The following DOCK2 variants were observed in gnomAD, a reference collection of about 807,000 sequenced individuals.
The protein encoded by DOCK2 is dedicator of cytokinesis 2.
A neutral mutation model predicts 248.9 loss-of-function variants in DOCK2; 87 were observed. The observed-to-expected ratio is 0.35, with a 90% CI of 0.29 to 0.42. The LOEUF (loss-of-function observed/expected upper bound fraction) is 0.42, where lower values mean the gene tolerates loss of function less well. Among genes scored for constraint, DOCK2 ranks in the 10% least tolerant of loss-of-function variants. The pLI is 1.00. For missense variants in DOCK2, 1,747 were observed against 2,300.2 expected, an observed-to-expected ratio of 0.76 and a Z score of 4.92; for synonymous variants, 805 against 821.6, an observed-to-expected ratio of 0.98 and a Z score of 0.35.
chr5:169,775,295 G>A (rs542818537), intron 25 of DOCK2, among the ~76,000 whole-genome samples: 1 of 152,334 alleles, frequency 6.6e-6, no homozygotes, highest in South Asian at 2.1e-4. Context: ...TCAATGGCCA[G>A]TCAGCTCTGG....
At chr5:169,641,527 C>T (rs970808069) in intron 1 of DOCK2, among the ~76,000 whole-genome samples, 1 of 152,136 alleles carries the variant, frequency 6.6e-6, no homozygotes, top group Non-Finnish European at 1.5e-5. Context: ...ACCAGTTCAA[C>T]GAAAATGTGT....
intron 43 of DOCK2, 24 bp downstream of exon 43, chr5:170,056,792 T>C (rs1346489597): frequency 1.9e-6 from 3 of 1,608,516 alleles, no homozygotes; most frequent in Non-Finnish European, 2.6e-6. Flanking sequence ...CTACCCTTGA[T>C]CATTCCCTGG....
At chr5:169,859,958 C>CTTTT (rs759586059) in intron 27 of DOCK2, among the ~76,000 whole-genome samples, 52 of 107,164 alleles carry the variant, frequency 4.9e-4, no homozygotes, top group East Asian at 1.0e-3. Context: ...GTGGATCCTT[C>CTTTT]TTTTTTTTTT....
intron 2 of DOCK2, among the ~76,000 whole-genome samples, chr5:169,663,714 T>G (rs1758572382): frequency 6.6e-6 from 1 of 152,214 alleles, no homozygotes; most frequent in African/African-American, 2.4e-5. Flanking sequence ...GTGGAGTGGC[T>G]GGCATACAGG....
At chr5:169,970,049 T>C (rs1192585410) in intron 27 of DOCK2, among the ~76,000 whole-genome samples, 3 of 152,226 alleles carry the variant, frequency 2.0e-5, no homozygotes, top group Non-Finnish European at 4.4e-5. Context: ...CTGGCTACAG[T>C]GATGTAAGTG....
intron 13 of DOCK2, among the ~76,000 whole-genome samples, chr5:169,700,572 A>C (rs1043557111): frequency 6.6e-6 from 1 of 152,132 alleles, no homozygotes. Flanking sequence ...GTTCATTGTA[A>C]AATATTCAAA....
chr5:169,676,300 G>A (rs1759332713), intron 6 of DOCK2, among the ~76,000 whole-genome samples: 1 of 152,156 alleles, frequency 6.6e-6, no homozygotes, highest in African/African-American at 2.4e-5. Flanking sequence ...CTCTGCCTGT[G>A]CCTGGAACAA....
intron 27 of DOCK2, among the ~76,000 whole-genome samples, chr5:169,910,413 C>T (rs1419981481): frequency 6.6e-6 from 1 of 152,174 alleles, no homozygotes; most frequent in African/African-American, 2.4e-5. Context: ...CCCCTCAGTG[C>T]TGATTTATTG....
At chr5:169,728,284 T>C (rs1170736373) in intron 22 of DOCK2, among the ~76,000 whole-genome samples, 2 of 152,174 alleles carry the variant, frequency 1.3e-5, no homozygotes, top group Non-Finnish European at 2.9e-5. Context: ...AGCAGGCAGT[T>C]AGATACAGAT....
intron 27 of DOCK2, among the ~76,000 whole-genome samples, chr5:169,943,133 A>C (rs1422109681): frequency 6.6e-6 from 1 of 152,164 alleles, no homozygotes; most frequent in Non-Finnish European, 1.5e-5. Context: ...TTTTCCCCAC[A>C]CCCAGGCCAT....
intron 27 of DOCK2, among the ~76,000 whole-genome samples, chr5:169,914,305 C>T (rs1774761112): frequency 6.6e-6 from 1 of 152,176 alleles, no homozygotes; most frequent in South Asian, 2.1e-4. Flanking sequence ...CTTTCATAAC[C>T]CATATAGATA....
intron 26 of DOCK2, among the ~76,000 whole-genome samples, chr5:169,831,375 C>A (rs1417794937): frequency 6.6e-6 from 1 of 152,188 alleles, no homozygotes; most frequent in African/African-American, 2.4e-5. Context: ...CCACATTTAT[C>A]TTGCTTGCTG....
chr5:170,006,914 A>G (rs1170579016), intron 30 of DOCK2, among the ~76,000 whole-genome samples: 1 of 152,228 alleles, frequency 6.6e-6, no homozygotes, highest in Non-Finnish European at 1.5e-5. Flanking sequence ...TCAAGATGAG[A>G]GACTTACGCA....
At chr5:169,824,135 T>G (rs975851756) in intron 26 of DOCK2, among the ~76,000 whole-genome samples, 2 of 152,052 alleles carry the variant, frequency 1.3e-5, no homozygotes, top group Non-Finnish European at 2.9e-5. Flanking sequence ...TACAAAGAAA[T>G]GGAAGAACAT....
chr5:169,698,755 A>C (rs1760783909), intron 11 of DOCK2, among the ~76,000 whole-genome samples: 1 of 152,242 alleles, frequency 6.6e-6, no homozygotes. Context: ...CATGGAGCTC[A>C]TAGTATAGAT....
chr5:169,966,908 A>G (rs1230432029), intron 27 of DOCK2, among the ~76,000 whole-genome samples: 2 of 152,162 alleles, frequency 1.3e-5, no homozygotes, highest in Non-Finnish European at 2.9e-5. Context: ...CCCTTCACCA[A>G]TCCATGCGCC....
chr5:169,683,008 C>T (rs1437758700), intron 7 of DOCK2, among the ~76,000 whole-genome samples: 1 of 152,164 alleles, frequency 6.6e-6, no homozygotes, highest in East Asian at 1.9e-4. Context: ...TGGCCAGTTA[C>T]CAATGGTATA....
intron 2 of DOCK2, among the ~76,000 whole-genome samples, chr5:169,661,710 T>C (rs902480941): frequency 6.6e-6 from 1 of 152,222 alleles, no homozygotes; most frequent in African/African-American, 2.4e-5. Flanking sequence ...AGTGAAATAA[T>C]GCAATACTTT....
intron 22 of DOCK2, among the ~76,000 whole-genome samples, chr5:169,742,566 A>C (rs758966856): frequency 7.2e-5 from 11 of 152,184 alleles, no homozygotes; most frequent in Non-Finnish European, 1.5e-4. Flanking sequence ...AAAGAGGGTC[A>C]GGGTGTTAGG....
Sources: allele counts gnomAD v4.1 joint callset (sites outside exome capture counted in the v4.1 genomes callset), GRCh38; gene constraint gnomAD v4.1.1; transcripts MANE v1.5; gene names NCBI Gene and HGNC (gene_info 2026-07-23, HGNC 2026-07-21).